The following SLC24A3 variants were observed in gnomAD, a reference collection of about 807,000 sequenced individuals.
SLC24A3 encodes solute carrier family 24 member 3, also known as sodium/potassium/calcium exchanger 3.
In SLC24A3, 28 loss-of-function variants were observed where a neutral mutation model predicts 75.8. The ratio of observed to expected loss-of-function variants is 0.37; its 90% CI spans 0.27 to 0.51. SLC24A3 has a LOEUF of 0.51. Ranked by LOEUF, SLC24A3 falls within the 20% of genes least tolerant of loss-of-function variation. The probability of loss-of-function intolerance (pLI) is 0.94; values close to 1 mark genes in which losing one functional copy is unlikely to be tolerated. For synonymous variants in SLC24A3, 372 were observed against 334.1 expected (o/e 1.11, Z -1.24); for missense variants, 663 against 847.8 (o/e 0.78, Z 2.71).
chr20:19,616,211 A>G (rs932287595), intron 6 of SLC24A3, among the ~76,000 whole-genome samples: 2 of 152,194 alleles, frequency 1.3e-5, no homozygotes, highest in African/African-American at 4.8e-5. Flanking sequence ...CCTCTGTGTC[A>G]GTGGATGTGG....
chr20:19,325,757 CATACATACATATATATATACATATAT>C (rs1229647805), intron 2 of SLC24A3, among the ~76,000 whole-genome samples: 4 of 39,604 alleles, frequency 1.0e-4, no homozygotes, highest in East Asian at 6.0e-4. Context: ...TGTGTGTATA[CATACATACATATATATATACATATAT>C]ATATATATAT....
rs374341896 is a variant in SLC24A3 at position 19,654,006 on chromosome 20, G to A, written c.613-56G>A. On this transcript the variant is annotated intron_variant, in intron 6 of 16. Transcript: ENST00000328041. ...AGCTGGCTAAACCTGCAAGAGTCCC[G>A]CCATCTCATTTGTACAGTCTATATC... 6.3e-5 allele frequency: 92 copies of A among 1,461,578 alleles called. 1 individual carries two copies. In the Admixed American group the frequency reaches 8.6e-4, roughly 14 times the overall value. The allele number at this position is 1,461,578 out of a possible 1,614,324, so 90.5% of individuals were successfully genotyped here.
chr20:19,660,316 G>A (rs558749247), intron 7 of SLC24A3, among the ~76,000 whole-genome samples: 1 of 149,422 alleles, frequency 6.7e-6, no homozygotes, highest in African/African-American at 2.5e-5. Context: ...AGTCTCCAAA[G>A]TCCATGCCAC....
chr20:19,310,566 C>T (rs1008825113), intron 2 of SLC24A3, among the ~76,000 whole-genome samples: 13 of 152,214 alleles, frequency 8.5e-5, no homozygotes, highest in African/African-American at 2.9e-4. Context: ...GTCCGGGTTG[C>T]TTCAGGACTG....
At chr20:19,515,377 C>A (rs2029965350) in intron 2 of SLC24A3, 111 bp from the exon 3 acceptor site, 2 of 1,032,630 alleles carry the variant, frequency 1.9e-6, no homozygotes, top group Middle Eastern at 2.1e-4. Flanking sequence ...GATTCAGGAT[C>A]TTTTTTTCAT....
chr20:19,662,743 C>T (rs867330371), intron 7 of SLC24A3, among the ~76,000 whole-genome samples: 8 of 152,336 alleles, frequency 5.3e-5, no homozygotes, highest in Middle Eastern at 6.8e-3. Flanking sequence ...CAGAGGGATA[C>T]GCAACACGTG....
intron 6 of SLC24A3, among the ~76,000 whole-genome samples, chr20:19,639,006 C>A (rs576405162): frequency 6.6e-6 from 1 of 152,114 alleles, no homozygotes; most frequent in Non-Finnish European, 1.5e-5. Context: ...GGAAGGGGAC[C>A]CCAGTGGGTT....
intron 6 of SLC24A3, among the ~76,000 whole-genome samples, chr20:19,610,670 T>C (rs2031660491): frequency 6.6e-6 from 1 of 152,200 alleles, no homozygotes; most frequent in Admixed American, 6.5e-5. Flanking sequence ...AGGTGTGTTA[T>C]CAAGCAGGTC....
At position 19,595,007 on chromosome 20, in the gene SLC24A3, G is replaced by A. The variant is rs138009032; in HGVS notation, c.612+9463G>A. Among the ~76,000 whole-genome samples, 379 of 152,274 alleles carry A rather than the reference G, an allele frequency of 2.5e-3. 1 individual carries two copies. Among genetic ancestry groups the A allele is most frequent in the Non-Finnish European group, 3.8e-3 (260 of 68,018 alleles). ...TCTGATTTGGTGCAGTTTTGAACAT[G>A]AGTCACTCTCTGAGCAGAAGGAATG... On this transcript the variant is annotated intron_variant, in intron 6 of 16. Transcript: ENST00000328041.
At chr20:19,314,114 C>A (rs986243295) in intron 2 of SLC24A3, among the ~76,000 whole-genome samples, 12 of 152,158 alleles carry the variant, frequency 7.9e-5, no homozygotes, top group Non-Finnish European at 1.5e-4. Context: ...AAAGCCTTCA[C>A]CTTTGAAAAT....
chr20:19,515,569 G>T lies in SLC24A3; in HGVS notation c.348+5G>T. 6.2e-7 allele frequency: 1 copy of T among 1,614,092 alleles called. No individual in the cohort carries two copies. Among genetic ancestry groups the T allele is most frequent in the Non-Finnish European group, 8.5e-7 (1 of 1,179,962 alleles). On this transcript the variant is annotated splice_donor_5th_base_variant and intron_variant, in intron 3 of 16. Transcript: ENST00000328041. ...GTGGTCCTCCATGTGCTCTGTGTAAGTACCCCTCTGTGCCTCTGCCTGGAG... is the reference window on the plus strand; with the variant it reads ...GTGGTCCTCCATGTGCTCTGTGTAATTACCCCTCTGTGCCTCTGCCTGGAG...
At chr20:19,410,072 C>T (rs148604377) in intron 2 of SLC24A3, among the ~76,000 whole-genome samples, 25 of 152,126 alleles carry the variant, frequency 1.6e-4, no homozygotes, top group East Asian at 1.5e-3. Flanking sequence ...CGAAATTCAT[C>T]GCACAGTTAT....
At chr20:19,463,300 G>C (rs773608559) in intron 2 of SLC24A3, among the ~76,000 whole-genome samples, 2 of 152,056 alleles carry the variant, frequency 1.3e-5, no homozygotes, top group Non-Finnish European at 2.9e-5. Context: ...GTATTCACTG[G>C]GTCCAGTAAT....
intron 2 of SLC24A3, among the ~76,000 whole-genome samples, chr20:19,430,253 T>C (rs1987076990): frequency 1.3e-5 from 2 of 152,176 alleles, no homozygotes; most frequent in African/African-American, 4.8e-5. Flanking sequence ...ATCATTGTTC[T>C]TCTGTTTTCT....
At chr20:19,297,622 AT>A (rs1241072057) in intron 2 of SLC24A3, among the ~76,000 whole-genome samples, 1 of 152,222 alleles carries the variant, frequency 6.6e-6, no homozygotes, top group Non-Finnish European at 1.5e-5. Context: ...ATATACATAC[AT>A]GTAGATACAC....
chr20:19,526,894 C>T (rs753048375), intron 3 of SLC24A3, among the ~76,000 whole-genome samples: 1 of 152,198 alleles, frequency 6.6e-6, no homozygotes, highest in Non-Finnish European at 1.5e-5. Context: ...CACAGCAGGG[C>T]ATTTAGTAAG....
intron 6 of SLC24A3, among the ~76,000 whole-genome samples, chr20:19,601,172 A>G (rs2031522286): frequency 6.6e-6 from 1 of 152,214 alleles, no homozygotes; most frequent in African/African-American, 2.4e-5. Flanking sequence ...CAGAAGACCC[A>G]TTCGCCTTCT....
At chr20:19,318,507 A>G (rs952339309) in intron 2 of SLC24A3, among the ~76,000 whole-genome samples, 1 of 152,214 alleles carries the variant, frequency 6.6e-6, no homozygotes, top group African/African-American at 2.4e-5. Flanking sequence ...ACTCTTCCAG[A>G]AAAGCCGAGT....
chr20:19,260,807 G>C (rs1325757800), intron 1 of SLC24A3, among the ~76,000 whole-genome samples: 2 of 152,176 alleles, frequency 1.3e-5, no homozygotes, highest in Non-Finnish European at 2.9e-5. Context: ...TGTGGTTACT[G>C]GAGCTCTGCC....
Sources: allele counts gnomAD v4.1 joint callset (sites outside exome capture counted in the v4.1 genomes callset), GRCh38; gene constraint gnomAD v4.1.1; transcripts MANE v1.5; gene names NCBI Gene and HGNC (gene_info 2026-07-23, HGNC 2026-07-21).